Variants in ADAMTS5 observed in about 807,000 individuals in gnomAD.
The protein encoded by ADAMTS5 is A disintegrin and metalloproteinase with thrombospondin motifs 5.
ADAMTS5 carries 54 observed loss-of-function variants against 81.4 expected under a neutral mutation model. That is an observed-to-expected ratio of 0.66 (90% CI 0.53 to 0.83). The LOEUF (loss-of-function observed/expected upper bound fraction) is 0.83, where lower values mean the gene tolerates loss of function less well. Among genes scored for constraint, ADAMTS5 ranks in the 40% least tolerant of loss-of-function variants. The probability of loss-of-function intolerance (pLI) is 0.00; values close to 1 mark genes in which losing one functional copy is unlikely to be tolerated. For synonymous variants in ADAMTS5, 532 were observed against 508.8 expected, an observed-to-expected ratio of 1.05 and a Z score of -0.61; for missense variants, 1,194 against 1,229.9, an observed-to-expected ratio of 0.97 and a Z score of 0.44.
Position 26,930,032 on chromosome 21 carries a change from G to T in ADAMTS5, c.2079C>A (p.Tyr693Ter), listed in dbSNP as rs1986877826. The change falls in exon 7 of 8, where the codon TAC (tyrosine) becomes TAA (stop). Residue 693 changes from tyrosine to a stop codon, truncating the protein, a stop_gained. Transcript: ENST00000284987. LOFTEE classifies it high-confidence loss of function. ...KVTDGTECRL[Y>*]SNSVCVRGKC... ...TCCCCCGGACGCAGACGGAATTACT[G>T]TACAGCCTACATTCAGTGCCATCGG... 3.1e-6 allele frequency: 5 copies of T among 1,614,054 alleles called. No individual in the cohort carries two copies. Among genetic ancestry groups the T allele is most frequent in the Non-Finnish European group, 4.2e-6 (5 of 1,179,976 alleles).
intron 6 of ADAMTS5, among the ~76,000 whole-genome samples, chr21:26,930,467 GTTA>G (rs1395885704): frequency 5.9e-5 from 9 of 152,162 alleles, no homozygotes; most frequent in Admixed American, 3.9e-4. Context: ...TTGCATAGTT[GTTA>G]TTATAATGAC....
chr21:26,958,071 G>A (rs111335623), intron 1 of ADAMTS5, among the ~76,000 whole-genome samples: 7 of 152,278 alleles, frequency 4.6e-5, no homozygotes, highest in Admixed American at 2.0e-4. Context: ...GCAGTACTGG[G>A]TGGTGAAAAT....
chr21:26,938,599 G>A (rs1216005923), intron 3 of ADAMTS5, among the ~76,000 whole-genome samples: 3 of 152,104 alleles, frequency 2.0e-5, no homozygotes, highest in Non-Finnish European at 2.9e-5. Context: ...GTGCAATCTC[G>A]GCTCACTGCA....
rs982788049 is a variant in ADAMTS5, at chr21:26,966,704, G to T, written c.-313C>A. ...GGAGATTCAGCAAATACGGGAAAAG[G>T]AAAAAAACAAAAACCAAAAAACCAC... On this transcript the variant is annotated 5_prime_UTR_variant, in exon 1 of 8. Coordinates refer to ENST00000284987, the MANE Select transcript of ADAMTS5 (RefSeq NM_007038.5). Among the ~76,000 whole-genome samples, 3 of 148,924 alleles carry T rather than the reference G, an allele frequency of 2.0e-5. No individual in the cohort carries two copies. The highest frequency in any genetic ancestry group is 4.9e-5 in the African/African-American group (2 of 40,432).
Position 26,966,421 on chromosome 21 carries a change from G to T in ADAMTS5, c.-30C>A. On this transcript the variant is annotated 5_prime_UTR_variant, in exon 1 of 8. Coordinates refer to ENST00000284987, the MANE Select transcript of ADAMTS5 (RefSeq NM_007038.5). Reference sequence around the variant, plus strand: ...CGCTGCCCGCGGGGAGGGGCTGCGCGACTGGGACTTTATGGGTATTTGTTA... The same window carrying T: ...CGCTGCCCGCGGGGAGGGGCTGCGCTACTGGGACTTTATGGGTATTTGTTA... 7.1e-7 allele frequency: 1 copy of T among 1,417,234 alleles called. No individual in the cohort carries two copies. Among genetic ancestry groups the T allele is most frequent in the East Asian group, 2.8e-5 (1 of 35,204 alleles). The allele number at this position is 1,417,234 out of a possible 1,614,324, so 87.8% of individuals were successfully genotyped here. A position where few individuals can be genotyped will look rare whatever the true frequency, so the allele number is the denominator to read the frequency against.
At chr21:26,951,906 A>G (rs909971228) in intron 2 of ADAMTS5, among the ~76,000 whole-genome samples, 1 of 152,044 alleles carries the variant, frequency 6.6e-6, no homozygotes, top group African/African-American at 2.4e-5. Context: ...TGATCAGGAA[A>G]TCTTTTGTCA....
rs1193299747 is a variant in ADAMTS5, at chr21:26,918,300, T to C, written c.*5753A>G. 6.6e-6 allele frequency: 1 copy of C among 152,500 alleles called. No individual in the cohort carries two copies. The highest frequency in any genetic ancestry group is 2.4e-5 in the African/African-American group (1 of 41,430). 9.4% of individuals were successfully genotyped at this position (152,500 alleles called of 1,614,324 possible). A position where few individuals can be genotyped will look rare whatever the true frequency, so the allele number is the denominator to read the frequency against. On this transcript the variant is annotated 3_prime_UTR_variant, in exon 8 of 8. Coordinates refer to ENST00000284987, the MANE Select transcript of ADAMTS5 (RefSeq NM_007038.5). The stretch of plus-strand genomic sequence containing the variant: ...TACATTTTACATCTTATATACAGTA[T>C]GTAAATCTTCAATGATTTTCTCTAC...
At position 26,921,094 on chromosome 21, in the gene ADAMTS5, A is replaced by G. The variant is rs1037933763; in HGVS notation, c.*2959T>C. 3 of 152,562 alleles carry G rather than the reference A, an allele frequency of 2.0e-5. No homozygotes were observed. The highest frequency in any genetic ancestry group is 4.4e-5 in the Non-Finnish European group (3 of 67,976). 9.5% of individuals were successfully genotyped at this position (152,562 alleles called of 1,614,324 possible). A position where few individuals can be genotyped will look rare whatever the true frequency, so the allele number is the denominator to read the frequency against. ...AATTTGAACATATTTTTGTTAAATA[A>G]GAATAAATAATTTTATCACACAAAT... On this transcript the variant is annotated 3_prime_UTR_variant, in exon 8 of 8. Coordinates refer to ENST00000284987, the MANE Select transcript of ADAMTS5 (RefSeq NM_007038.5).
intron 3 of ADAMTS5, among the ~76,000 whole-genome samples, 158 bp from the exon 4 acceptor site, chr21:26,934,907 C>T (rs549669938): frequency 6.6e-6 from 1 of 152,236 alleles, no homozygotes; most frequent in African/African-American, 2.4e-5. Flanking sequence ...GGGGACAAGG[C>T]TGGGAGCCCC....
chr21:26,962,921 C>T (rs944870885), intron 1 of ADAMTS5, among the ~76,000 whole-genome samples: 7 of 151,792 alleles, frequency 4.6e-5, no homozygotes, highest in African/African-American at 1.7e-4. Context: ...TTGTGAAATA[C>T]TCTCAAATGA....
chr21:26,956,822 T>C (rs1463068878), intron 1 of ADAMTS5, among the ~76,000 whole-genome samples: 1 of 152,240 alleles, frequency 6.6e-6, no homozygotes, highest in African/African-American at 2.4e-5. Context: ...GAGATTAAAC[T>C]AGATTCTTAA....
Position 26,965,473 on chromosome 21 carries a change from TGCTA to T in ADAMTS5, c.915_918del (p.Ile307ArgfsTer9). On this transcript the variant is annotated frameshift_variant, in exon 1 of 8. Transcript: ENST00000284987. LOFTEE classifies it high-confidence loss of function. ...ACGGCCAGGCGGATGTGGTTCTCGA[TGCTA>T]GCATGGCTGTACAGCCTATTGGCGA... 1.2e-6 allele frequency: 2 copies of T among 1,614,248 alleles called. No homozygotes were observed. The highest frequency in any genetic ancestry group is 1.7e-6 in the Non-Finnish European group (2 of 1,180,042).
chr21:26,951,892 C>T (rs1454981700), intron 2 of ADAMTS5, among the ~76,000 whole-genome samples: 1 of 151,972 alleles, frequency 6.6e-6, no homozygotes, highest in Non-Finnish European at 1.5e-5. Context: ...TAATAATACA[C>T]AGATGATCAG....
At chr21:26,964,608 G>A (rs1987600251) in intron 1 of ADAMTS5, among the ~76,000 whole-genome samples, 1 of 152,292 alleles carries the variant, frequency 6.6e-6, no homozygotes, top group Middle Eastern at 3.4e-3. Context: ...CAAAGGAGTT[G>A]TTAAGGAACC....
At chr21:26,961,967 C>A (rs560151794) in intron 1 of ADAMTS5, among the ~76,000 whole-genome samples, 1 of 152,268 alleles carries the variant, frequency 6.6e-6, no homozygotes, top group South Asian at 2.1e-4. Flanking sequence ...TCCCAGCAAT[C>A]TAAGGCAGAA....
intron 3 of ADAMTS5, among the ~76,000 whole-genome samples, chr21:26,939,920 C>A (rs1454992199): frequency 6.6e-6 from 1 of 152,192 alleles, no homozygotes; most frequent in Non-Finnish European, 1.5e-5. Context: ...AGGGGGGTCC[C>A]ATGAGACATG....
chr21:26,934,483 T>C lies in ADAMTS5; in HGVS notation c.1672A>G (p.Lys558Glu). 1 of 1,614,234 alleles carries C rather than the reference T, an allele frequency of 6.2e-7. No individual in the cohort carries two copies. The highest frequency in any genetic ancestry group is 8.5e-7 in the Non-Finnish European group (1 of 1,180,044). Residue 558 changes from lysine to glutamate, a missense_variant, in exon 4 of 8, where the codon AAG becomes GAG. This residue lies in a region of ADAMTS5 where 696 missense variants were observed against 817.6 expected (regional missense o/e 0.85). Transcript: ENST00000284987. Reference sequence around the variant, plus strand: ...TCACTTACTGAATAATATTTTTTCTTGGTTTTGTCCACACATTTGCCCTGC... The same window carrying C: ...TCACTTACTGAATAATATTTTTTCTCGGTTTTGTCCACACATTTGCCCTGC... ...CLQGKCVDKTKKKYYSTSSHG... is the reference protein window; with the variant it reads ...CLQGKCVDKTEKKYYSTSSHG...
At chr21:26,948,862 T>C (rs535382845) in intron 2 of ADAMTS5, among the ~76,000 whole-genome samples, 1 of 152,196 alleles carries the variant, frequency 6.6e-6, no homozygotes, top group Non-Finnish European at 1.5e-5. Context: ...ATGGATTGGG[T>C]TTTAATCTCA....
chr21:26,934,840 G>A (rs1986984986), intron 3 of ADAMTS5, 91 bp from the exon 4 acceptor site: 1 of 1,513,332 alleles, frequency 6.6e-7, no homozygotes, highest in East Asian at 2.3e-5. Flanking sequence ...CCCGGCTGGT[G>A]TTGGAGCACG....
Sources: allele counts gnomAD v4.1 joint callset (sites outside exome capture counted in the v4.1 genomes callset), GRCh38; gene constraint gnomAD v4.1.1; regional missense constraint gnomAD v4.1.1; transcripts MANE v1.5; gene names NCBI Gene and HGNC (gene_info 2026-07-23, HGNC 2026-07-21).